Variants in NNMT observed in about 807,000 individuals in gnomAD.
NNMT encodes nicotinamide N-methyltransferase.
In NNMT, 10 loss-of-function variants were observed where a neutral mutation model predicts 11.7. The observed-to-expected ratio is 0.85, with a 90% CI of 0.53 to 1.45. NNMT has a LOEUF of 1.45. Among genes scored for constraint, NNMT ranks in the 40% most tolerant of loss-of-function variants. The pLI, the probability that NNMT is intolerant of heterozygous loss-of-function variation, is 0.00. For synonymous variants in NNMT, 143 were observed against 133.8 expected (o/e 1.07, Z -0.48); for missense variants, 381 against 319.4 (o/e 1.19, Z -1.47).
At chr11:114,288,987 G>GT (rs1199064377) in intron 2 of NNMT, among the ~76,000 whole-genome samples, 2 of 152,072 alleles carry the variant, frequency 1.3e-5, no homozygotes, top group African/African-American at 4.8e-5. Flanking sequence ...CTGAGTTTGT[G>GT]TAAGATTAGA....
chr11:114,276,107 G>GCCCCCCCCCCCCCCCCCGGGC (rs35929563), intron 2 of NNMT, among the ~76,000 whole-genome samples: 1 of 142,280 alleles, frequency 7.0e-6, no homozygotes, highest in African/African-American at 2.7e-5. Flanking sequence ...GTTTCAGGCT[G>GCCCCCCCCCCCCCCCCCGGGC]CCCCCCCACC....
At chr11:114,262,351 C>T (rs2135240153) in intron 1 of NNMT, among the ~76,000 whole-genome samples, 1 of 152,274 alleles carries the variant, frequency 6.6e-6, no homozygotes, top group Non-Finnish European at 1.5e-5. Context: ...TCATGCTCTC[C>T]CTTTCACCCC....
chr11:114,286,092 C>G (rs1004414017), intron 2 of NNMT, among the ~76,000 whole-genome samples: 6 of 152,156 alleles, frequency 3.9e-5, no homozygotes, highest in Admixed American at 2.6e-4. Context: ...CGTTGTTTAT[C>G]CTTTAGTACC....
At chr11:114,269,670 A>G (rs1945154753) in intron 2 of NNMT, among the ~76,000 whole-genome samples, 1 of 152,102 alleles carries the variant, frequency 6.6e-6, no homozygotes. Context: ...TCCCTTTCAC[A>G]GCCAAGCTTT....
At chr11:114,276,784 T>C (rs769178805) in intron 2 of NNMT, among the ~76,000 whole-genome samples, 1 of 152,208 alleles carries the variant, frequency 6.6e-6, no homozygotes, top group Non-Finnish European at 1.5e-5. Context: ...CCCCTGCGAA[T>C]ACTGCAGCCC....
At chr11:114,286,565 A>G (rs1056073571) in intron 2 of NNMT, among the ~76,000 whole-genome samples, 3 of 152,224 alleles carry the variant, frequency 2.0e-5, no homozygotes, top group Non-Finnish European at 4.4e-5. Flanking sequence ...AGATTGAATA[A>G]AAAGGAAGTC....
At chr11:114,311,853 A>G (rs930916983) in intron 2 of NNMT, among the ~76,000 whole-genome samples, 192 bp from the exon 3 acceptor site, 8 of 152,194 alleles carry the variant, frequency 5.3e-5, no homozygotes, top group African/African-American at 1.9e-4. Flanking sequence ...GAGATTTAAC[A>G]TAGCTCAGGG....
chr11:114,282,133 A>T (rs1311977642), intron 2 of NNMT, among the ~76,000 whole-genome samples: 1 of 152,220 alleles, frequency 6.6e-6, no homozygotes, highest in Non-Finnish European at 1.5e-5. Context: ...CTGAGATGGG[A>T]GGATCGCTTG....
At chr11:114,274,792 TG>T (rs1333390397) in intron 2 of NNMT, among the ~76,000 whole-genome samples, 1 of 152,224 alleles carries the variant, frequency 6.6e-6, no homozygotes, top group African/African-American at 2.4e-5. Context: ...AGCTGGCTTT[TG>T]ATGGCAGGCA....
At chr11:114,260,793 G>A (rs998733254) in intron 1 of NNMT, among the ~76,000 whole-genome samples, 1 of 152,212 alleles carries the variant, frequency 6.6e-6, no homozygotes, top group Admixed American at 6.5e-5. Context: ...CTTGGTGGCT[G>A]CCGTGCGGTG....
chr11:114,290,003 G>A (rs553271787), intron 2 of NNMT, among the ~76,000 whole-genome samples: 39 of 152,286 alleles, frequency 2.6e-4, no homozygotes, highest in African/African-American at 9.1e-4. Flanking sequence ...GTGAAAGGGT[G>A]AATGAGCTCT....
rs1487312029 is a variant in NNMT, at chr11:114,312,963, C to T, written c.*486C>T. 6.5e-6 allele frequency: 1 copy of T among 154,350 alleles called. No individual in the cohort carries two copies. Among genetic ancestry groups the T allele is most frequent in the Non-Finnish European group, 1.4e-5 (1 of 69,486 alleles). 9.6% of individuals were successfully genotyped at this position (154,350 alleles called of 1,614,324 possible). A position where few individuals can be genotyped will look rare whatever the true frequency, so the allele number is the denominator to read the frequency against. ...CATGTGGGTATAGCTGTTTGCTAGA[C>T]TCCACTCTGGCCTCAGGGGCCAGAG... is the stretch of plus-strand genomic sequence containing the variant. On this transcript the variant is annotated 3_prime_UTR_variant, in exon 3 of 3. Coordinates refer to ENST00000299964, the MANE Select transcript of NNMT (RefSeq NM_006169.3).
chr11:114,295,562 C>CT (rs1945368157), upstream of NNMT, among the ~76,000 whole-genome samples: 1 of 151,026 alleles, frequency 6.6e-6, no homozygotes, highest in Non-Finnish European at 1.5e-5. Flanking sequence ...GTAGCTGGGA[C>CT]TGCAGGTGCC....
At chr11:114,265,118 GC>G (rs1229791476) in intron 2 of NNMT, among the ~76,000 whole-genome samples, 1 of 152,134 alleles carries the variant, frequency 6.6e-6, no homozygotes, top group Non-Finnish European at 1.5e-5. Context: ...CCAGCAACCA[GC>G]CCCCATCCTG....
intron 2 of NNMT, among the ~76,000 whole-genome samples, chr11:114,268,184 CT>C (rs149800751): frequency 0.012 from 1,752 of 152,308 alleles, 27 homozygotes; most frequent in African/African-American, 0.038. Context: ...GCTGACCTTT[CT>C]GAGACACCTG....
At chr11:114,287,853 T>G (rs1305206809) in intron 2 of NNMT, among the ~76,000 whole-genome samples, 1 of 152,090 alleles carries the variant, frequency 6.6e-6, no homozygotes, top group Non-Finnish European at 1.5e-5. Context: ...CCATGTGGAG[T>G]CCCCCCATCC....
At chr11:114,264,848 T>C (rs766826132) in intron 2 of NNMT, among the ~76,000 whole-genome samples, 3 of 152,250 alleles carry the variant, frequency 2.0e-5, no homozygotes, top group Non-Finnish European at 4.4e-5. Context: ...AAGAGATGCA[T>C]AGGGCAAAGT....
chr11:114,281,710 T>A (rs1945264747), intron 2 of NNMT, among the ~76,000 whole-genome samples: 1 of 152,210 alleles, frequency 6.6e-6, no homozygotes, highest in Admixed American at 6.5e-5. Context: ...CTTGTCTCCC[T>A]CTTCAGCCAG....
At chr11:114,285,813 C>T (rs1945294461) in intron 2 of NNMT, among the ~76,000 whole-genome samples, 1 of 152,170 alleles carries the variant, frequency 6.6e-6, no homozygotes, top group Non-Finnish European at 1.5e-5. Flanking sequence ...GTGAAGGGAG[C>T]AGGCTCCTAA....
Sources: gnomAD v4.1 joint callset for allele counts (sites outside exome capture counted in the v4.1 genomes callset) on GRCh38, gnomAD v4.1.1 for gene constraint, MANE v1.5 for transcripts, NCBI Gene and HGNC (gene_info 2026-07-23, HGNC 2026-07-21) for gene names.